Variants in EFEMP2 observed in about 807,000 individuals in gnomAD.
EFEMP2 encodes EGF-like fibulin extracellular matrix protein 2.
EFEMP2 carries 21 observed loss-of-function variants against 55.3 expected under a neutral mutation model. That is an observed-to-expected ratio of 0.38 (90% CI 0.27 to 0.55). The LOEUF is 0.55. Ranked by LOEUF, EFEMP2 falls within the 20% of genes least tolerant of loss-of-function variation. EFEMP2 has a pLI of 0.77. For synonymous variants in EFEMP2, 275 were observed against 242.3 expected (o/e 1.14, Z -1.25); for missense variants, 513 against 615.1 (o/e 0.83, Z 1.76).
chr11:65,870,757 G>C (rs1344217686), intron 4 of EFEMP2, 99 bp from the exon 5 acceptor site: 13 of 1,574,326 alleles, frequency 8.3e-6, no homozygotes, highest in Middle Eastern at 1.7e-4. Flanking sequence ...AACAGCACGC[G>C]TAAGAGTTCA....
intron 7 of EFEMP2, 171 bp downstream of exon 7, chr11:65,869,686 C>T (rs1045895568): frequency 1.0e-6 from 1 of 960,948 alleles, no homozygotes; most frequent in Non-Finnish European, 1.6e-6. Flanking sequence ...GTGCCTCCCC[C>T]ACTAGCCTGG....
At chr11:65,871,604 C>T (rs1230486431) in intron 3 of EFEMP2, 5 of 604,442 alleles carry the variant, frequency 8.3e-6, no homozygotes, top group Non-Finnish European at 1.5e-5. Context: ...TCTATCCCTC[C>T]CCACGGCCCT....
chr11:65,870,227 C>G lies in EFEMP2; in HGVS notation c.501G>C (p.Glu167Asp), dbSNP rs1165282344. ...KIGPECVDID[E>D]CRYRYCQHRC... ...GGTGCTGGCAGTAGCGGTAGCGGCA[C>G]TCGTCTATGTCTAGGGATAGAGGCA... is the stretch of plus-strand genomic sequence containing the variant. The change falls in exon 6 of 11, where the codon GAG becomes GAC. Residue 167 changes from glutamate to aspartate, a missense_variant. Physicochemically the swap from Glu to Asp is conservative, Grantham distance 45. Coordinates refer to ENST00000307998, the MANE Select transcript of EFEMP2 (RefSeq NM_016938.5). 6.2e-7 allele frequency: 1 copy of G among 1,613,198 alleles called. No homozygotes were observed. The highest frequency in any genetic ancestry group is 8.5e-7 in the Non-Finnish European group (1 of 1,179,990).
intron 7 of EFEMP2, 23 bp from the exon 8 acceptor site, chr11:65,868,652 AC>A: frequency 1.2e-6 from 2 of 1,613,204 alleles, no homozygotes; most frequent in Non-Finnish European, 1.7e-6. Flanking sequence ...GGGGATGGGG[AC>A]CCCGGGTCAA....
rs755635112 is a variant in EFEMP2, at chr11:65,870,550, C to T, written c.476G>A (p.Gly159Glu). Residue 159 changes from glycine to glutamate, a missense_variant, in exon 5 of 11, where the codon GGG becomes GAG. By Grantham distance (98) the Gly-to-Glu change is moderately conservative (BLOSUM62 -2). Transcript: ENST00000307998. ...CTCPDGYRKI[G>E]PECVDIDECR... Reference sequence around the variant, plus strand: ...CCTGGACTCACCCACACACTCGGGCCCGATCTTGCGGTAACCATCAGGGCA... The same window carrying T: ...CCTGGACTCACCCACACACTCGGGCTCGATCTTGCGGTAACCATCAGGGCA... The T allele has an allele frequency of 2.5e-6, 4 of 1,613,786 alleles. No individual in the cohort carries two copies. The African/African-American group carries it at 5.3e-5, about 22-fold the overall frequency.
chr11:65,869,146 T>C (rs907961810), intron 7 of EFEMP2: 1 of 234,576 alleles, frequency 4.3e-6, no homozygotes. Context: ...AGGGGGTACA[T>C]GCCAGTTTAC....
At chr11:65,871,396 C>T (rs777347266) in intron 3 of EFEMP2, 33 bp from the exon 4 acceptor site, 2 of 1,608,030 alleles carry the variant, frequency 1.2e-6, no homozygotes, top group South Asian at 2.2e-5. Context: ...CACAGCCAGT[C>T]TCCTGGGCTG....
At chr11:65,867,836 C>T in intron 10 of EFEMP2, 25 bp downstream of exon 10, 1 of 1,612,818 alleles carries the variant, frequency 6.2e-7, no homozygotes, top group South Asian at 1.1e-5. Context: ...TTGTGCATGT[C>T]AGTTGAGGGT....
chr11:65,870,197 G>A lies in EFEMP2; in HGVS notation c.531C>T (p.Cys177=), dbSNP rs762305922. 2.0e-5 allele frequency: 33 copies of A among 1,613,784 alleles called. No homozygotes were observed. The highest frequency in any genetic ancestry group is 1.9e-4 in the African/African-American group (14 of 75,032). The change falls in exon 6 of 11, where the codon TGC becomes TGT. Residue 177 remains cysteine, a synonymous_variant. Transcript: ENST00000307998. ...AGCGGAAGGAGCCAGGCAGGTTCAC[G>A]CAGCGGTGCTGGCAGTAGCGGTAGC... ...ECRYRYCQHR[C]VNLPGSFRCQ...
At position 65,866,502 on chromosome 11, in the gene EFEMP2, A is replaced by T. The variant is rs749515927; in HGVS notation, c.*416T>A. ...CCCAGGGAACTACTAGGGCTTATCC[A>T]AATGTACAGTTTGAGGCAGAGTTAG... On this transcript the variant is annotated 3_prime_UTR_variant, in exon 11 of 11. Coordinates refer to ENST00000307998, the MANE Select transcript of EFEMP2 (RefSeq NM_016938.5). 8.5e-6 allele frequency: 6 copies of T among 702,658 alleles called. No homozygotes were observed. Among genetic ancestry groups the T allele is most frequent in the South Asian group, 3.0e-5 (2 of 67,588 alleles). 43.5% of individuals were successfully genotyped at this position (702,658 alleles called of 1,614,324 possible). A position where few individuals can be genotyped will look rare whatever the true frequency, so the allele number is the denominator to read the frequency against.
chr11:65,871,405 T>G, intron 3 of EFEMP2, 42 bp from the exon 4 acceptor site: 2 of 1,593,032 alleles, frequency 1.3e-6, no homozygotes, highest in Non-Finnish European at 1.7e-6. Flanking sequence ...TCTCCTGGGC[T>G]GGCCCTGGAG....
Position 65,867,074 on chromosome 11 carries a change from G to T in EFEMP2, c.1176C>A (p.Ile392=). The T allele has an allele frequency of 6.2e-7, 1 of 1,614,078 alleles. No individual in the cohort carries two copies. Among genetic ancestry groups the T allele is most frequent in the African/African-American group, 1.3e-5 (1 of 75,024 alleles). The change falls in exon 11 of 11, where the codon ATC becomes ATA. Residue 392 remains isoleucine, a synonymous_variant. Coordinates refer to ENST00000307998, the MANE Select transcript of EFEMP2 (RefSeq NM_016938.5). ...GGACCAGCATGGCGCTGACGTTGTT[G>T]ATTTGCTGCAGGGCAGTGGGTGGGG... ...NSQGDFYIRQ[I]NNVSAMLVLA...
Position 65,866,938 on chromosome 11 carries a change from C to T in EFEMP2, c.1312G>A (p.Val438Ile). ...ASSVLRLTVF[V>I]GAYTF ...GCTCCTCAGAAGGTGTAGGCCCCTA[C>T]AAAGACGGTGAGCCTCAGTACAGAG... is the stretch of plus-strand genomic sequence containing the variant. Residue 438 changes from valine (V) to isoleucine (I), a missense_variant, in exon 11 of 11, where the codon GTA (valine) becomes ATA (isoleucine). By Grantham distance (29) the Val-to-Ile change is conservative. Coordinates refer to ENST00000307998, the MANE Select transcript of EFEMP2 (RefSeq NM_016938.5). 6.2e-7 allele frequency: 1 copy of T among 1,614,154 alleles called. No homozygotes were observed. The highest frequency in any genetic ancestry group is 8.5e-7 in the Non-Finnish European group (1 of 1,180,004).
rs1406392673 is a variant in EFEMP2, at chr11:65,869,876, CCGATG to C, written c.703_707del (p.His235GlyfsTer7). On this transcript the variant is annotated frameshift_variant, in exon 7 of 11. Transcript: ENST00000307998. LOFTEE classifies it high-confidence loss of function. ...TCTCACCACTGCAGGAGAAGCCATC[CCGATG>C]CAGCTCATAGCCCTGGTGGCAGCGA... 6.2e-7 allele frequency: 1 copy of C among 1,613,882 alleles called. No individual in the cohort carries two copies. Among genetic ancestry groups the C allele is most frequent in the African/African-American group, 1.3e-5 (1 of 74,906 alleles).
chr11:65,870,453 G>A (rs1217028775), intron 5 of EFEMP2, 83 bp downstream of exon 5: 49 of 1,595,074 alleles, frequency 3.1e-5, no homozygotes, highest in Non-Finnish European at 4.3e-6. Flanking sequence ...GTGAAGCCTG[G>A]CTTGAATGGG....
intron 3 of EFEMP2, 121 bp from the exon 4 acceptor site, chr11:65,871,484 G>T: frequency 1.1e-6 from 1 of 950,020 alleles, no homozygotes. Context: ...TTCCCACTCT[G>T]CTCAACAAGC....
Position 65,870,164 on chromosome 11 carries a change from G to C in EFEMP2, c.564C>G (p.Cys188Trp). Residue 188 changes from cysteine to tryptophan, a missense_variant, in exon 6 of 11, where the codon TGC (cysteine) becomes TGG (tryptophan). Cys to Trp is a radical substitution (Grantham distance 215). Coordinates refer to ENST00000307998, the MANE Select transcript of EFEMP2 (RefSeq NM_016938.5). Reference protein sequence around the residue: ...VNLPGSFRCQCEPGFQLGPNN... With the variant: ...VNLPGSFRCQWEPGFQLGPNN... ...TAGGCCCCAGCTGGAAGCCCGGCTC[G>C]CACTGGCAGCGGAAGGAGCCAGGCA... 6.2e-7 allele frequency: 1 copy of C among 1,613,838 alleles called. No individual in the cohort carries two copies. The highest frequency in any genetic ancestry group is 8.5e-7 in the Non-Finnish European group (1 of 1,180,026).
chr11:65,870,053 A>G (rs1859937465), intron 6 of EFEMP2, 68 bp downstream of exon 6: 1 of 1,613,198 alleles, frequency 6.2e-7, no homozygotes, highest in African/African-American at 1.3e-5. Context: ...GGGCTGGTCA[A>G]GAAGGGAGCG....
intron 1 of EFEMP2, 37 bp downstream of exon 1, chr11:65,872,645 GC>G: frequency 3.3e-6 from 1 of 303,206 alleles, no homozygotes; most frequent in Non-Finnish European, 6.3e-6. Context: ...CGAGACTCCG[GC>G]CCACGCCCTC....
Sources: allele counts gnomAD v4.1 joint callset, GRCh38; gene constraint gnomAD v4.1.1; transcripts MANE v1.5; gene names NCBI Gene and HGNC (gene_info 2026-07-23, HGNC 2026-07-21).